The following MALAT1 variants were observed in gnomAD, a reference collection of about 807,000 sequenced individuals.
The protein encoded by MALAT1 is metastasis associated lung adenocarcinoma transcript 1, also known as hepcarcin.
exon 3 of MALAT1, chr11:65,500,587 C>T: frequency 1.9e-6 from 1 of 518,836 alleles, no homozygotes; most frequent in East Asian, 5.4e-5. Context: ...GGAGCGCTAA[C>T]GATTTGGTGG....
At chr11:65,502,531 G>A (rs778123123) in exon 3 of MALAT1, 1 of 483,950 alleles carries the variant, frequency 2.1e-6, no homozygotes, top group Non-Finnish European at 4.0e-6. Flanking sequence ...AAACTTATCT[G>A]TTTGTAAATT....
intron 3 of MALAT1, chr11:65,504,348 C>CT (rs1416560262): frequency 1.9e-6 from 1 of 514,510 alleles, no homozygotes; most frequent in Non-Finnish European, 3.9e-6. Context: ...ATGCAGTTGT[C>CT]TTGACTTCAG....
At chr11:65,505,339 C>T in intron 3 of MALAT1, 1 of 518,870 alleles carries the variant, frequency 1.9e-6, no homozygotes, top group Non-Finnish European at 3.8e-6. Flanking sequence ...CCTCAACTCC[C>T]TCTTTCTGGA....
exon 4 of MALAT1, chr11:65,506,390 T>C (rs1438072789): frequency 2.4e-6 from 1 of 415,600 alleles, no homozygotes; most frequent in South Asian, 1.8e-5. Context: ...TTTCAGGTAA[T>C]AGCCTGCAGC....
chr11:65,504,917 T>G (rs541679024), intron 3 of MALAT1: 36 of 518,892 alleles, frequency 6.9e-5, no homozygotes, highest in South Asian at 4.5e-4. Context: ...CATTCCATTT[T>G]AAATGTGGGG....
chr11:65,497,995 A>C (rs1854429995), intron 1 of MALAT1: 1 of 518,562 alleles, frequency 1.9e-6, no homozygotes, highest in Non-Finnish European at 3.8e-6. Context: ...AGATAAAACC[A>C]CTCAAACTCT....
intron 3 of MALAT1, chr11:65,504,787 C>T (rs1854642081): frequency 1.9e-6 from 1 of 518,996 alleles, no homozygotes; most frequent in Non-Finnish European, 3.8e-6. Flanking sequence ...GGGTTTCTCT[C>T]TCCCCTCCCT....
chr11:65,498,412 A>ACC, intron 1 of MALAT1: 1 of 518,508 alleles, frequency 1.9e-6, no homozygotes, highest in South Asian at 1.4e-5. Context: ...TCAGGCGGGG[A>ACC]GCAGCTCTGT....
At chr11:65,498,186 C>T (rs775727668) in intron 1 of MALAT1, 4 of 518,840 alleles carry the variant, frequency 7.7e-6, no homozygotes, top group African/African-American at 1.9e-5. Flanking sequence ...TGCCCAAGGT[C>T]TCTGTGTCTT....
intron 1 of MALAT1, chr11:65,498,613 A>C (rs766677746): frequency 1.9e-6 from 1 of 518,768 alleles, no homozygotes; most frequent in South Asian, 1.4e-5. Flanking sequence ...CGTCCCTGCA[A>C]GGCTGGGGCT....
intron 2 of MALAT1, chr11:65,498,777 C>T (rs764932342): frequency 1.9e-6 from 1 of 518,826 alleles, no homozygotes. Flanking sequence ...GTTTGATGAC[C>T]CGTTTAAAAT....
exon 3 of MALAT1, chr11:65,500,454 C>T (rs1443705993): frequency 3.9e-6 from 2 of 518,804 alleles, no homozygotes; most frequent in Non-Finnish European, 7.7e-6. Context: ...GACAGGATTC[C>T]AGGAACCAGT....
At chr11:65,503,503 A>G (rs189724202) in exon 3 of MALAT1, 24 of 518,714 alleles carry the variant, frequency 4.6e-5, no homozygotes, top group African/African-American at 7.7e-5. Context: ...TGAAGGCTCT[A>G]TGAAAGGAAT....
intron 3 of MALAT1, chr11:65,505,561 C>T (rs1027854404): frequency 2.5e-5 from 13 of 515,644 alleles, no homozygotes; most frequent in Non-Finnish European, 4.7e-5. Context: ...TCTGCCACAT[C>T]GCCACCCCGT....
chr11:65,500,712 A>G (rs771885426), exon 3 of MALAT1: 1 of 518,864 alleles, frequency 1.9e-6, no homozygotes, highest in Admixed American at 1.9e-5. Flanking sequence ...TGCGTAGAGG[A>G]TCCTAGACCA....
exon 3 of MALAT1, chr11:65,502,445 G>A (rs753523012): frequency 6.0e-6 from 3 of 500,668 alleles, no homozygotes; most frequent in Non-Finnish European, 1.2e-5. Context: ...TAGTGTAGGA[G>A]AAATACTTTT....
Position 65,498,960 on chromosome 11 carries a change from C to A in MALAT1, n.232-9C>A, listed in dbSNP as rs745771485. 5.8e-6 allele frequency: 3 copies of A among 518,658 alleles called. 1 individual carries two copies. Among genetic ancestry groups the A allele is most frequent in the South Asian group, 4.2e-5 (3 of 71,524 alleles). The allele number at this position is 518,658 out of a possible 1,614,324, so 32.1% of individuals were successfully genotyped here. A position where few individuals can be genotyped will look rare whatever the true frequency, so the allele number is the denominator to read the frequency against. ...AACCGAAGAACTACTTTTTGCCTCC[C>A]TCACAAAGGCGGCGGAAGGTGATCG... On this transcript the variant is annotated splice_polypyrimidine_tract_variant and intron_variant and non_coding_transcript_variant, in intron 2 of 3. Transcript: ENST00000619449.
chr11:65,505,582 C>T (rs759718925), intron 3 of MALAT1: 4 of 518,546 alleles, frequency 7.7e-6, no homozygotes, highest in Non-Finnish European at 7.7e-6. Context: ...GCCTTTTGAT[C>T]TAGCACAGAC....
Position 65,500,677 on chromosome 11 carries a change from A to G in MALAT1, n.1940A>G, listed in dbSNP as rs368034897. 63 of 518,990 alleles carry G rather than the reference A, an allele frequency of 1.2e-4. No homozygotes were observed. The East Asian group carries it at 2.8e-3, about 23-fold the overall frequency. 32.1% of individuals were successfully genotyped at this position (518,990 alleles called of 1,614,324 possible). On this transcript the variant is annotated non_coding_transcript_exon_variant, in exon 3 of 4. Transcript: ENST00000619449. Reference sequence around the variant, plus strand: ...TAGCAGGCGGCTTGGCTTGGCAACCACACGGAGGAGGCGAGCAGGCGTTGT... The same window carrying G: ...TAGCAGGCGGCTTGGCTTGGCAACCGCACGGAGGAGGCGAGCAGGCGTTGT...
Sources: gnomAD v4.1 joint callset for allele counts on GRCh38, gnomAD v4.1.1 for gene constraint, MANE v1.5 for transcripts, NCBI Gene and HGNC (gene_info 2026-07-23, HGNC 2026-07-21) for gene names.